The following LRRC37A2 variants were observed in gnomAD, a reference collection of about 807,000 sequenced individuals.
LRRC37A2 encodes the protein leucine-rich repeat-containing protein 37A2.
Under a neutral mutation model 68.8 loss-of-function variants are expected in LRRC37A2, and 9 were observed. That is an observed-to-expected ratio of 0.13 (90% CI 0.08 to 0.23). LRRC37A2 has a LOEUF of 0.23. LRRC37A2 is among the 10% of genes least tolerant of loss of function. LRRC37A2 has a pLI of 1.00. For missense variants in LRRC37A2, 168 were observed against 950.4 expected (o/e 0.18, Z 10.82); for synonymous variants, 63 against 367.6 (o/e 0.17, Z 9.48).
the LRRC37A2 span, among the ~76,000 whole-genome samples, chr17:46,804,244 C>T: frequency 3.5e-3 from 540 of 152,168 alleles, 5 homozygotes; most frequent in African/African-American, 0.013. Context: ...CGTGCCACCA[C>T]ACCCGGCTAA....
At chr17:46,884,948 C>T in the LRRC37A2 span, 1 of 390,064 alleles carries the variant, frequency 2.6e-6, no homozygotes, top group Non-Finnish European at 5.0e-6. Flanking sequence ...TTCCCCACTC[C>T]TGCAACCCAT....
chr17:46,722,304 A>G, the LRRC37A2 span: 1 of 745,930 alleles, frequency 1.3e-6, no homozygotes, highest in South Asian at 1.5e-5. Context: ...TCTTACCTCC[A>G]GCCTCAGTCC....
chr17:46,980,885 C>T, the LRRC37A2 span, among the ~76,000 whole-genome samples: 2 of 152,004 alleles, frequency 1.3e-5, no homozygotes, highest in East Asian at 3.9e-4. Flanking sequence ...TCAAAAAGTA[C>T]TTCCTACTAA....
At chr17:46,835,778 T>C in the LRRC37A2 span, among the ~76,000 whole-genome samples, 1 of 152,226 alleles carries the variant, frequency 6.6e-6, no homozygotes, top group Non-Finnish European at 1.5e-5. Context: ...TCCAGCTGGG[T>C]TGGAGGGAAG....
chr17:46,758,314 A>G, the LRRC37A2 span, among the ~76,000 whole-genome samples: 2 of 152,306 alleles, frequency 1.3e-5, no homozygotes, highest in South Asian at 2.1e-4. Flanking sequence ...AACTTCCACA[A>G]CGGGAGTTCC....
At chr17:46,721,032 G>A in the LRRC37A2 span, among the ~76,000 whole-genome samples, 1 of 152,206 alleles carries the variant, frequency 6.6e-6, no homozygotes, top group Non-Finnish European at 1.5e-5. Context: ...CCAGGAGTGG[G>A]CTCTGGGACT....
the LRRC37A2 span, among the ~76,000 whole-genome samples, chr17:46,899,885 T>A: frequency 6.6e-6 from 1 of 151,888 alleles, no homozygotes; most frequent in African/African-American, 2.4e-5. Flanking sequence ...TAAGGAGATA[T>A]ATAGTGGGGG....
chr17:46,816,487 A>G, the LRRC37A2 span, among the ~76,000 whole-genome samples: 1,651 of 100,742 alleles, frequency 0.016, 30 homozygotes, highest in African/African-American at 0.042. Context: ...ACACACACAC[A>G]CACACACACA....
At chr17:46,874,135 G>A in the LRRC37A2 span, among the ~76,000 whole-genome samples, 1 of 152,144 alleles carries the variant, frequency 6.6e-6, no homozygotes, top group Non-Finnish European at 1.5e-5. Flanking sequence ...GCACTGGAGG[G>A]CAGGCAGGAA....
chr17:46,814,065 A>C, the LRRC37A2 span, among the ~76,000 whole-genome samples: 1,201 of 152,250 alleles, frequency 7.9e-3, 9 homozygotes, highest in African/African-American at 0.027. Context: ...TTTTGACCTC[A>C]TCGCCAAAGG....
At chr17:46,829,917 C>T in the LRRC37A2 span, among the ~76,000 whole-genome samples, 1 of 152,048 alleles carries the variant, frequency 6.6e-6, no homozygotes, top group Non-Finnish European at 1.5e-5. Flanking sequence ...TCTTATCTGG[C>T]AAATGGGTAT....
At chr17:46,936,633 G>A in the LRRC37A2 span, 1 of 985,284 alleles carries the variant, frequency 1.0e-6, no homozygotes, top group East Asian at 1.1e-4. Context: ...ATTTGTGGCT[G>A]AAAATGAATA....
At chr17:46,807,414 G>A in the LRRC37A2 span, among the ~76,000 whole-genome samples, 7 of 152,090 alleles carry the variant, frequency 4.6e-5, no homozygotes, top group Non-Finnish European at 1.0e-4. Context: ...CCCGGGAGGC[G>A]GAGGTTGCAG....
chr17:46,946,119 C>T, the LRRC37A2 span, among the ~76,000 whole-genome samples: 1 of 151,938 alleles, frequency 6.6e-6, no homozygotes, highest in Non-Finnish European at 1.5e-5. Flanking sequence ...TGTCGTCACT[C>T]ACTTGGAGGA....
chr17:46,916,107 T>C, the LRRC37A2 span, among the ~76,000 whole-genome samples: 3 of 152,236 alleles, frequency 2.0e-5, no homozygotes, highest in African/African-American at 7.2e-5. Context: ...TACAAGGTGT[T>C]CACCCCTCTC....
the LRRC37A2 span, among the ~76,000 whole-genome samples, chr17:46,999,937 T>G: frequency 6.7e-6 from 1 of 149,182 alleles, no homozygotes; most frequent in African/African-American, 2.5e-5. Context: ...AGGTGGAGGT[T>G]GCAGTGGGCT....
the LRRC37A2 span, among the ~76,000 whole-genome samples, chr17:47,020,781 CAAAAAAAAAAAAAAA>C: frequency 1.6e-3 from 33 of 20,112 alleles, 1 homozygote; most frequent in Admixed American, 8.1e-3. Context: ...GACTCCATCT[CAAAAAAAAAAAAAAA>C]AAAAAAAAAA....
the LRRC37A2 span, chr17:46,978,810 C>T: frequency 6.2e-7 from 1 of 1,610,910 alleles, no homozygotes; most frequent in South Asian, 1.1e-5. Flanking sequence ...TCTGCGCCAC[C>T]CGCGACACCC....
the LRRC37A2 span, among the ~76,000 whole-genome samples, chr17:46,976,436 A>G: frequency 1.3e-5 from 2 of 152,000 alleles, no homozygotes; most frequent in African/African-American, 2.4e-5. Context: ...AATCCCAGCT[A>G]TTCCGGAGGC....
Sources: allele counts gnomAD v4.1 joint callset (sites outside exome capture counted in the v4.1 genomes callset), GRCh38; gene constraint gnomAD v4.1.1; transcripts MANE v1.5; gene names NCBI Gene and HGNC (gene_info 2026-07-23, HGNC 2026-07-21).